The following LRP1B variants were observed in gnomAD, a reference collection of about 807,000 sequenced individuals.
LRP1B encodes low-density lipoprotein receptor-related protein 1B.
In LRP1B, 217 loss-of-function variants were observed where a neutral mutation model predicts 556.6. The ratio of observed to expected loss-of-function variants is 0.39; its 90% CI spans 0.35 to 0.44. The LOEUF (loss-of-function observed/expected upper bound fraction) is 0.44, where lower values mean the gene tolerates loss of function less well. LRP1B is among the 20% of genes least tolerant of loss of function. The pLI is 1.00. For synonymous variants in LRP1B, 2,047 were observed against 1,865.8 expected (o/e 1.10, Z -2.50); for missense variants, 5,053 against 5,620.8 (o/e 0.90, Z 3.23).
At chr2:141,013,831 T>C in intron 13 of LRP1B, 86 bp from the exon 14 acceptor site, 1 of 696,288 alleles carries the variant, frequency 1.4e-6, no homozygotes, top group South Asian at 3.7e-5. Flanking sequence ...ATTCAATAAG[T>C]ATAACAGATA....
intron 60 of LRP1B, among the ~76,000 whole-genome samples, chr2:140,470,672 AAT>A (rs1687731712): frequency 2.7e-5 from 4 of 146,304 alleles, no homozygotes; most frequent in South Asian, 2.2e-4. Flanking sequence ...AAAAAAAAAA[AAT>A]GGCAAAGATT....
intron 2 of LRP1B, among the ~76,000 whole-genome samples, chr2:141,501,086 A>G (rs1444869233): frequency 6.6e-6 from 1 of 152,164 alleles, no homozygotes; most frequent in Non-Finnish European, 1.5e-5. Flanking sequence ...TCTTCTAAAT[A>G]TAATAGGACT....
At chr2:140,900,510 A>T (rs930773283) in intron 23 of LRP1B, among the ~76,000 whole-genome samples, 1 of 152,208 alleles carries the variant, frequency 6.6e-6, no homozygotes. Context: ...TGGGACTCAA[A>T]TTTTAATGGT....
chr2:141,985,159 C>G (rs899858319), intron 1 of LRP1B, among the ~76,000 whole-genome samples: 3 of 151,966 alleles, frequency 2.0e-5, no homozygotes, highest in African/African-American at 7.3e-5. Context: ...TTGAGGGTCA[C>G]GATGGAGAAA....
intron 7 of LRP1B, among the ~76,000 whole-genome samples, chr2:141,173,802 C>CTTGA (rs1680612040): frequency 2.0e-5 from 3 of 152,010 alleles, no homozygotes; most frequent in Admixed American, 2.0e-4. Context: ...CTCAATCAAT[C>CTTGA]TTGACTGCAA....
intron 3 of LRP1B, among the ~76,000 whole-genome samples, chr2:141,324,103 GAACAAAGAA>G (rs1175034781): frequency 8.7e-6 from 1 of 115,020 alleles, no homozygotes; most frequent in East Asian, 2.6e-4. Context: ...TCACATACCT[GAACAAAGAA>G]ATCACACACA....
intron 27 of LRP1B, among the ~76,000 whole-genome samples, chr2:140,857,092 C>T (rs1389744916): frequency 6.6e-6 from 1 of 152,046 alleles, no homozygotes; most frequent in Non-Finnish European, 1.5e-5. Flanking sequence ...TAATTATAGT[C>T]CGTTTCTCAC....
chr2:141,578,927 A>G (rs1210446484), intron 2 of LRP1B, among the ~76,000 whole-genome samples: 1 of 152,180 alleles, frequency 6.6e-6, no homozygotes, highest in African/African-American at 2.4e-5. Context: ...TACATTTGCA[A>G]TACATGACGA....
Position 141,529,048 on chromosome 2 carries a change from G to T in LRP1B, c.206-48515C>A, listed in dbSNP as rs114147353. Among the ~76,000 whole-genome samples the T allele has an allele frequency of 7.0e-3, 1,068 of 152,272 alleles. 7 individuals carry two copies. Among genetic ancestry groups the T allele is most frequent in the African/African-American group, 0.023 (952 of 41,556 alleles). On this transcript the variant is annotated intron_variant, in intron 2 of 90. Transcript: ENST00000389484. ...GTGAAAGGGCCTCAGCCTGCATGAT[G>T]ATTATTAGTGTCCGACACTTTTTAC...
chr2:141,530,861 G>A (rs916534490), intron 2 of LRP1B, among the ~76,000 whole-genome samples: 2 of 150,670 alleles, frequency 1.3e-5, no homozygotes, highest in Non-Finnish European at 2.9e-5. Flanking sequence ...AGTTCAGTAC[G>A]CTTGGGGCAC....
chr2:141,990,853 C>G (rs1702324871), intron 1 of LRP1B, among the ~76,000 whole-genome samples: 2 of 151,970 alleles, frequency 1.3e-5, no homozygotes, highest in African/African-American at 4.8e-5. Flanking sequence ...TTAATAATAG[C>G]ACATTTTAGA....
At chr2:140,814,970 A>G (rs1302502763) in intron 31 of LRP1B, among the ~76,000 whole-genome samples, 1 of 152,198 alleles carries the variant, frequency 6.6e-6, no homozygotes, top group Non-Finnish European at 1.5e-5. Context: ...GCTCAGCAGA[A>G]TCAGTATCCA....
At chr2:141,470,479 A>T in intron 3 of LRP1B, among the ~76,000 whole-genome samples, 1 of 152,172 alleles carries the variant, frequency 6.6e-6, no homozygotes, top group Admixed American at 6.5e-5. Flanking sequence ...TTGAAATTCT[A>T]CAAGCCATCT....
At chr2:141,752,945 G>GAACAAAAAAAAA (rs1694171286) in intron 2 of LRP1B, among the ~76,000 whole-genome samples, 1 of 28,210 alleles carries the variant, frequency 3.5e-5, no homozygotes, top group African/African-American at 9.2e-5. Flanking sequence ...CCCTGTCTCA[G>GAACAAAAAAAAA]AAAAAAAAAA....
intron 3 of LRP1B, among the ~76,000 whole-genome samples, chr2:141,423,002 C>A (rs1339247563): frequency 1.3e-5 from 2 of 152,144 alleles, no homozygotes; most frequent in Non-Finnish European, 2.9e-5. Flanking sequence ...TGATATTATT[C>A]TTCTAGATTA....
At chr2:141,479,275 C>T (rs4476293) in intron 3 of LRP1B, among the ~76,000 whole-genome samples, 78,442 of 152,028 alleles carry the variant, frequency 0.52, 20,462 homozygotes, top group Non-Finnish European at 0.56. Context: ...CCAACAAGAC[C>T]TGTCAGGCCC....
chr2:141,560,851 T>A (rs1269076106), intron 2 of LRP1B, among the ~76,000 whole-genome samples: 1 of 151,608 alleles, frequency 6.6e-6, no homozygotes, highest in Non-Finnish European at 1.5e-5. Flanking sequence ...TCAGGAAATA[T>A]AACCTCTATT....
At chr2:140,426,410 A>C (rs1232683169) in intron 66 of LRP1B, among the ~76,000 whole-genome samples, 1 of 152,202 alleles carries the variant, frequency 6.6e-6, no homozygotes, top group African/African-American at 2.4e-5. Context: ...CTCTGAGCCC[A>C]AGCTAAGCCA....
intron 2 of LRP1B, among the ~76,000 whole-genome samples, chr2:141,581,296 A>G (rs1165885736): frequency 1.3e-5 from 2 of 152,190 alleles, no homozygotes; most frequent in Non-Finnish European, 2.9e-5. Context: ...GAATTGTTTA[A>G]AAACGATTTT....
Sources: gnomAD v4.1 joint callset for allele counts (sites outside exome capture counted in the v4.1 genomes callset) on GRCh38, gnomAD v4.1.1 for gene constraint, MANE v1.5 for transcripts, NCBI Gene and HGNC (gene_info 2026-07-23, HGNC 2026-07-21) for gene names.